ARHGAP42: variants seen among roughly 807,000 people sequenced by gnomAD.
ARHGAP42 encodes the protein Rho GTPase activating protein 42, also known as rho GTPase-activating protein 42.
A neutral mutation model predicts 125.0 loss-of-function variants in ARHGAP42; 63 were observed. The observed-to-expected ratio is 0.50, with a 90% CI of 0.41 to 0.62. ARHGAP42 has a LOEUF of 0.62. ARHGAP42 is among the 20% of genes least tolerant of loss of function. The pLI, the probability that ARHGAP42 is intolerant of heterozygous loss-of-function variation, is 0.00. For synonymous variants in ARHGAP42, 339 were observed against 351.0 expected, an observed-to-expected ratio of 0.97 and a Z score of 0.38; for missense variants, 766 against 1,024.2, an observed-to-expected ratio of 0.75 and a Z score of 3.44.
At chr11:100,812,688 G>A (rs904893365) in intron 3 of ARHGAP42, among the ~76,000 whole-genome samples, 2 of 152,198 alleles carry the variant, frequency 1.3e-5, no homozygotes, top group African/African-American at 2.4e-5. Context: ...ACAGCAGCAA[G>A]TACAAAGGTC....
At chr11:100,972,878 GA>G (rs1565301646) in intron 17 of ARHGAP42, among the ~76,000 whole-genome samples, 1 of 152,072 alleles carries the variant, frequency 6.6e-6, no homozygotes, top group East Asian at 1.9e-4. Context: ...TAGTAGCATT[GA>G]AAATACCAAA....
At chr11:100,808,395 CTTT>C (rs398045483) in intron 3 of ARHGAP42, among the ~76,000 whole-genome samples, 2 of 118,776 alleles carry the variant, frequency 1.7e-5, no homozygotes, top group African/African-American at 6.6e-5. Flanking sequence ...TAAATTCACT[CTTT>C]TTTTTTTTTT....
At chr11:100,692,477 G>A (rs1295691747) in intron 1 of ARHGAP42, among the ~76,000 whole-genome samples, 1 of 152,182 alleles carries the variant, frequency 6.6e-6, no homozygotes, top group Non-Finnish European at 1.5e-5. Context: ...TATCTAGTGT[G>A]TTGTTGATGA....
intron 2 of ARHGAP42, among the ~76,000 whole-genome samples, chr11:100,786,858 C>T (rs1202971199): frequency 6.6e-6 from 1 of 152,066 alleles, no homozygotes; most frequent in African/African-American, 2.4e-5. Context: ...GCTCTGTGTC[C>T]TCACCCAAAT....
chr11:100,791,420 T>C (rs936308623), intron 2 of ARHGAP42, among the ~76,000 whole-genome samples: 1 of 152,212 alleles, frequency 6.6e-6, no homozygotes, highest in Non-Finnish European at 1.5e-5. Flanking sequence ...ATGTTAAGCC[T>C]AGAAAACTAT....
intron 3 of ARHGAP42, among the ~76,000 whole-genome samples, chr11:100,842,469 C>T (rs76390023): frequency 0.012 from 1,822 of 152,186 alleles, 42 homozygotes; most frequent in African/African-American, 0.041. Context: ...TACATTTTCT[C>T]GGACAATTAG....
At chr11:100,819,727 A>G (rs1864359856) in intron 3 of ARHGAP42, among the ~76,000 whole-genome samples, 1 of 152,202 alleles carries the variant, frequency 6.6e-6, no homozygotes, top group African/African-American at 2.4e-5. Context: ...TGCCTGCCAG[A>G]TAAGAGCCAC....
chr11:100,789,080 C>T (rs1863502156), intron 2 of ARHGAP42, among the ~76,000 whole-genome samples: 2 of 151,934 alleles, frequency 1.3e-5, no homozygotes, highest in South Asian at 2.1e-4. Context: ...GGCTTATATC[C>T]GATTTAAGTG....
At position 100,987,523 on chromosome 11, in the gene ARHGAP42, G is replaced by T; in HGVS notation, c.2467G>T (p.Ala823Ser). Reference sequence around the variant, plus strand: ...GTCTTGCTCTTTCAGCCAAGCCAAAGCCATGTACTCCTGTAAAGCAGAGCA... The same window carrying T: ...GTCTTGCTCTTTCAGCCAAGCCAAATCCATGTACTCCTGTAAAGCAGAGCA... ...KPVSSGRQAK[A>S]MYSCKAEHSH... The change falls in exon 23 of 24, where the codon GCC becomes TCC. Residue 823 changes from alanine to serine, a missense_variant. Physicochemically the swap from Ala to Ser is moderately conservative, Grantham distance 99. Around this residue, in one of 3 missense-constraint regions of ARHGAP42, gnomAD observed 308 missense variants for 369.7 expected, o/e 0.83. Coordinates refer to ENST00000298815, the MANE Select transcript of ARHGAP42 (RefSeq NM_152432.4). The T allele has an allele frequency of 6.4e-7, 1 of 1,551,890 alleles. No individual in the cohort carries two copies. The highest frequency in any genetic ancestry group is 2.0e-5 in the Admixed American group (1 of 51,006).
At chr11:100,962,923 A>T (rs1485608525) in intron 16 of ARHGAP42, among the ~76,000 whole-genome samples, 1 of 152,178 alleles carries the variant, frequency 6.6e-6, no homozygotes, top group Non-Finnish European at 1.5e-5. Flanking sequence ...TTAGTAATTT[A>T]TAATGTGTTT....
intron 1 of ARHGAP42, among the ~76,000 whole-genome samples, chr11:100,705,713 C>G (rs997313282): frequency 6.6e-6 from 1 of 152,134 alleles, no homozygotes; most frequent in African/African-American, 2.4e-5. Flanking sequence ...TACCTGGACA[C>G]ATGCATTATA....
At position 100,992,736 on chromosome 11, in the gene ARHGAP42, T is replaced by C. The variant is rs748838150; in HGVS notation, c.*3935T>C. 2.6e-6 allele frequency: 4 copies of C among 1,526,734 alleles called. No homozygotes were observed. The highest frequency in any genetic ancestry group is 3.5e-6 in the Non-Finnish European group (4 of 1,140,566). 94.6% of individuals were successfully genotyped at this position (1,526,734 alleles called of 1,614,324 possible). On this transcript the variant is annotated 3_prime_UTR_variant, in exon 24 of 24. Coordinates refer to ENST00000298815, the MANE Select transcript of ARHGAP42 (RefSeq NM_152432.4). ...GAGGATCAAATCAATAAATTGGATT[T>C]TTTATTTTTTGAGGGCAGCTGCCCT...
At chr11:100,929,325 G>T (rs756687349) in intron 6 of ARHGAP42, among the ~76,000 whole-genome samples, 2 of 152,212 alleles carry the variant, frequency 1.3e-5, no homozygotes, top group Non-Finnish European at 2.9e-5. Flanking sequence ...CTGCCATGCA[G>T]TTGGGTTCCT....
At chr11:100,718,520 C>G (rs1420540666) in intron 1 of ARHGAP42, among the ~76,000 whole-genome samples, 4 of 152,088 alleles carry the variant, frequency 2.6e-5, no homozygotes, top group Non-Finnish European at 5.9e-5. Context: ...AGCAAAATGC[C>G]AACCTGCAAA....
intron 1 of ARHGAP42, among the ~76,000 whole-genome samples, chr11:100,766,222 G>GGGGTGTGTGT (rs1554993827): frequency 3.2e-4 from 48 of 149,280 alleles, no homozygotes; most frequent in African/African-American, 1.0e-3. Flanking sequence ...AAGGATGTGG[G>GGGGTGTGTGT]GTGTGTGTGT....
intron 12 of ARHGAP42, among the ~76,000 whole-genome samples, chr11:100,958,420 A>G (rs1423171275): frequency 1.3e-5 from 2 of 152,028 alleles, no homozygotes; most frequent in African/African-American, 4.8e-5. Context: ...ACTGGGGACA[A>G]AGAAATAAAT....
At chr11:100,866,334 C>T (rs1412851122) in intron 4 of ARHGAP42, among the ~76,000 whole-genome samples, 1 of 152,180 alleles carries the variant, frequency 6.6e-6, no homozygotes, top group African/African-American at 2.4e-5. Flanking sequence ...GGCTTAGAAT[C>T]AGCTTCTTCC....
chr11:100,895,555 C>A (rs1355542261), intron 4 of ARHGAP42, among the ~76,000 whole-genome samples: 1 of 149,092 alleles, frequency 6.7e-6, no homozygotes, highest in Non-Finnish European at 1.5e-5. Context: ...TCAGAGGAAG[C>A]CAGCTGAGGT....
At chr11:100,721,681 T>A (rs1861761239) in intron 1 of ARHGAP42, among the ~76,000 whole-genome samples, 1 of 152,046 alleles carries the variant, frequency 6.6e-6, no homozygotes, top group Non-Finnish European at 1.5e-5. Flanking sequence ...ACCATGTAGG[T>A]CAGGGTGGTC....
Sources: allele counts gnomAD v4.1 joint callset (sites outside exome capture counted in the v4.1 genomes callset), GRCh38; gene constraint gnomAD v4.1.1; regional missense constraint gnomAD v4.1.1; transcripts MANE v1.5; gene names NCBI Gene and HGNC (gene_info 2026-07-23, HGNC 2026-07-21).